Variants in ZNF804B observed in about 807,000 individuals in gnomAD.
The protein encoded by ZNF804B is zinc finger 804B.
In ZNF804B, 80 loss-of-function variants were observed where a neutral mutation model predicts 101.4. The ratio of observed to expected loss-of-function variants is 0.79; its 90% CI spans 0.66 to 0.95. The LOEUF (loss-of-function observed/expected upper bound fraction) is 0.95, where lower values mean the gene tolerates loss of function less well. Among genes scored for constraint, ZNF804B ranks in the 40% least tolerant of loss-of-function variants. The probability of loss-of-function intolerance (pLI) is 0.00; values close to 1 mark genes in which losing one functional copy is unlikely to be tolerated. For missense variants in ZNF804B, 1,673 were observed against 1,561.9 expected, an observed-to-expected ratio of 1.07 and a Z score of -1.20; for synonymous variants, 622 against 558.8, an observed-to-expected ratio of 1.11 and a Z score of -1.59.
intron 1 of ZNF804B, among the ~76,000 whole-genome samples, chr7:89,123,632 T>C (rs939754766): frequency 6.6e-6 from 1 of 152,170 alleles, no homozygotes; most frequent in African/African-American, 2.4e-5. Context: ...ATGATAATGA[T>C]AGTTAATGTT....
intron 2 of ZNF804B, among the ~76,000 whole-genome samples, chr7:89,286,472 G>A (rs1790197951): frequency 6.6e-6 from 1 of 152,306 alleles, no homozygotes; most frequent in South Asian, 2.1e-4. Flanking sequence ...GAAATATTGT[G>A]CATGACTTCA....
At chr7:89,306,598 G>T (rs1424961793) in intron 2 of ZNF804B, among the ~76,000 whole-genome samples, 1 of 152,124 alleles carries the variant, frequency 6.6e-6, no homozygotes, top group African/African-American at 2.4e-5. Flanking sequence ...CACTGAGTTT[G>T]ATGAATTCTG....
chr7:89,164,447 G>T (rs887903482), intron 1 of ZNF804B, among the ~76,000 whole-genome samples: 10 of 152,074 alleles, frequency 6.6e-5, no homozygotes, highest in African/African-American at 2.4e-4. Context: ...CAATCAAAAT[G>T]CTAGACAATT....
chr7:88,970,913 A>C (rs1793527877), intron 1 of ZNF804B, among the ~76,000 whole-genome samples: 1 of 151,432 alleles, frequency 6.6e-6, no homozygotes, highest in African/African-American at 2.4e-5. Flanking sequence ...GCACATGTAT[A>C]CATATGTAAC....
chr7:89,156,320 G>C (rs552619133), intron 1 of ZNF804B, among the ~76,000 whole-genome samples: 7 of 152,000 alleles, frequency 4.6e-5, no homozygotes, highest in Non-Finnish European at 1.0e-4. Context: ...TCTCCATGTT[G>C]GTCTGGCTGA....
chr7:89,215,473 A>G (rs568283094), intron 1 of ZNF804B, among the ~76,000 whole-genome samples: 40 of 152,024 alleles, frequency 2.6e-4, no homozygotes, highest in Non-Finnish European at 5.4e-4. Context: ...CTGAATTTTC[A>G]GTTGTTCCCC....
At chr7:88,904,387 A>G (rs1398590209) in intron 1 of ZNF804B, among the ~76,000 whole-genome samples, 1 of 152,136 alleles carries the variant, frequency 6.6e-6, no homozygotes, top group African/African-American at 2.4e-5. Context: ...GGAGAGTGTG[A>G]TGCTTCCAGC....
At chr7:89,221,752 TC>T (rs1789008351) in intron 2 of ZNF804B, among the ~76,000 whole-genome samples, 1 of 141,054 alleles carries the variant, frequency 7.1e-6, no homozygotes, top group African/African-American at 2.6e-5. Flanking sequence ...TTCTATTCTA[TC>T]TATATGCACA....
chr7:88,862,113 T>G (rs542125340), intron 1 of ZNF804B, among the ~76,000 whole-genome samples: 2 of 152,270 alleles, frequency 1.3e-5, no homozygotes, highest in East Asian at 1.9e-4. Flanking sequence ...TTAATAGAAC[T>G]TTTGGGTTGA....
intron 1 of ZNF804B, among the ~76,000 whole-genome samples, chr7:88,957,643 T>G (rs181959737): frequency 7.3e-5 from 11 of 151,470 alleles, no homozygotes; most frequent in Middle Eastern, 3.4e-3. Context: ...ATTCTCACAA[T>G]TGAGGAATTT....
intron 1 of ZNF804B, among the ~76,000 whole-genome samples, chr7:88,976,635 C>G (rs1793618960): frequency 6.6e-6 from 1 of 151,430 alleles, no homozygotes; most frequent in Non-Finnish European, 1.5e-5. Flanking sequence ...TTTTGGTGAA[C>G]TCTTTCAGTT....
chr7:89,142,821 AT>A (rs772607681), intron 1 of ZNF804B, among the ~76,000 whole-genome samples: 1 of 152,042 alleles, frequency 6.6e-6, no homozygotes, highest in African/African-American at 2.4e-5. Context: ...GAGATGTATT[AT>A]TTAACTGAGG....
chr7:88,970,344 G>GCCCCCCCCCCC (rs3034350), intron 1 of ZNF804B, among the ~76,000 whole-genome samples: 1 of 144,062 alleles, frequency 6.9e-6, no homozygotes, highest in Non-Finnish European at 1.5e-5. Flanking sequence ...TTATTCTGAT[G>GCCCCCCCCCCC]CCCCCCCCCC....
chr7:89,209,432 C>G (rs6465189), intron 1 of ZNF804B, among the ~76,000 whole-genome samples: 5 of 151,990 alleles, frequency 3.3e-5, no homozygotes, highest in African/African-American at 9.7e-5. Context: ...TTGGTTCACA[C>G]TGAACTATAA....
At chr7:89,254,421 G>T (rs145410798) in intron 2 of ZNF804B, among the ~76,000 whole-genome samples, 36 of 150,518 alleles carry the variant, frequency 2.4e-4, no homozygotes, top group African/African-American at 8.0e-4. Context: ...TTAGGAAGAA[G>T]ACTACATACA....
chr7:89,274,153 T>TTTTA (rs1241984173), intron 2 of ZNF804B, among the ~76,000 whole-genome samples: 35 of 137,346 alleles, frequency 2.5e-4, no homozygotes, highest in African/African-American at 9.2e-4. Context: ...TTTTATTTTA[T>TTTTA]TTTCTTTTTC....
intron 1 of ZNF804B, among the ~76,000 whole-genome samples, chr7:88,774,244 C>G (rs891971335): frequency 6.7e-6 from 1 of 149,426 alleles, no homozygotes; most frequent in African/African-American, 2.5e-5. Flanking sequence ...TCGGCCACCT[C>G]CAAGTGACGA....
chr7:89,234,195 T>G (rs937089874), intron 2 of ZNF804B, among the ~76,000 whole-genome samples: 1 of 152,172 alleles, frequency 6.6e-6, no homozygotes, highest in African/African-American at 2.4e-5. Flanking sequence ...GATATGGCAA[T>G]TAATTGTTGA....
intron 1 of ZNF804B, among the ~76,000 whole-genome samples, chr7:89,042,613 C>A (rs1048053439): frequency 2.0e-5 from 3 of 152,040 alleles, no homozygotes; most frequent in Non-Finnish European, 4.4e-5. Flanking sequence ...GGGTAAAAAG[C>A]TTTCACTGTA....
Sources: allele counts gnomAD v4.1 joint callset (sites outside exome capture counted in the v4.1 genomes callset), GRCh38; gene constraint gnomAD v4.1.1; transcripts MANE v1.5; gene names NCBI Gene and HGNC (gene_info 2026-07-23, HGNC 2026-07-21).